Variants in MPDZ observed in about 807,000 individuals in gnomAD.
The protein encoded by MPDZ is multiple PDZ domain protein.
In MPDZ, 234 loss-of-function variants were observed where a neutral mutation model predicts 239.1. The observed-to-expected ratio is 0.98, with a 90% CI of 0.88 to 1.09. The LOEUF (loss-of-function observed/expected upper bound fraction) is 1.09. Ranked by LOEUF, MPDZ falls within the 50% of genes least tolerant of loss-of-function variation. The pLI, the probability that MPDZ is intolerant of heterozygous loss-of-function variation, is 0.00. For missense variants in MPDZ, 3,175 were observed against 2,510.0 expected, an observed-to-expected ratio of 1.26 and a Z score of -5.66; for synonymous variants, 1,048 against 881.3, an observed-to-expected ratio of 1.19 and a Z score of -3.35.
At chr9:13,251,771 T>C (rs7875612) in intron 1 of MPDZ, among the ~76,000 whole-genome samples, 148,300 of 152,320 alleles carry the variant, frequency 0.97, 72,299 homozygotes, top group Middle Eastern at 1. Flanking sequence ...TACGTATTGA[T>C]TTGCCTTATC....
chr9:13,129,354 T>G (rs1415717761), intron 32 of MPDZ, among the ~76,000 whole-genome samples: 1 of 151,422 alleles, frequency 6.6e-6, no homozygotes, highest in Non-Finnish European at 1.5e-5. Flanking sequence ...TCCCAGCTAC[T>G]CGGGAGGCTG....
intron 18 of MPDZ, 41 bp from the exon 19 acceptor site, chr9:13,183,626 A>G (rs375857713): frequency 1.8e-5 from 28 of 1,588,144 alleles, no homozygotes; most frequent in Non-Finnish European, 2.4e-5. Flanking sequence ...ATTCTGTTCT[A>G]TTACATATAT....
intron 18 of MPDZ, among the ~76,000 whole-genome samples, chr9:13,184,881 C>G (rs1406218285): frequency 6.6e-6 from 1 of 151,774 alleles, no homozygotes; most frequent in Non-Finnish European, 1.5e-5. Context: ...AGGAGAAGAC[C>G]CAGGACGCAT....
chr9:13,172,934 T>A (rs973378073), intron 21 of MPDZ, among the ~76,000 whole-genome samples: 3 of 152,226 alleles, frequency 2.0e-5, no homozygotes, highest in African/African-American at 7.2e-5. Context: ...AGTGTATACA[T>A]ACAATGGAAT....
chr9:13,129,374 A>AGC (rs201697457), intron 32 of MPDZ, among the ~76,000 whole-genome samples: 4,224 of 152,114 alleles, frequency 0.028, 173 homozygotes, highest in South Asian at 0.095. Context: ...GATGCAGGAG[A>AGC]ATCGCTTGAA....
intron 21 of MPDZ, among the ~76,000 whole-genome samples, chr9:13,172,728 T>C (rs1951955925): frequency 6.6e-6 from 1 of 152,182 alleles, no homozygotes; most frequent in Non-Finnish European, 1.5e-5. Flanking sequence ...GGCTCTTTTA[T>C]ACTTTAATTT....
chr9:13,120,701 G>T, intron 38 of MPDZ: 1 of 152,174 alleles, frequency 6.6e-6, no homozygotes, highest in Non-Finnish European at 1.5e-5. Flanking sequence ...ATACAGAAAA[G>T]TCGCTGCAGA....
chr9:13,132,601 T>G (rs1349445330), intron 32 of MPDZ, among the ~76,000 whole-genome samples: 1 of 152,220 alleles, frequency 6.6e-6, no homozygotes, highest in African/African-American at 2.4e-5. Flanking sequence ...GCTTATTCAT[T>G]CCTAATTATT....
intron 2 of MPDZ, among the ~76,000 whole-genome samples, chr9:13,248,976 CAAAAAAAAAAAAAAAAAAAA>C (rs71331534): frequency 2.5e-4 from 9 of 35,822 alleles, no homozygotes; most frequent in Non-Finnish European, 3.6e-4. Flanking sequence ...GACTCCATCT[CAAAAAAAAAAAAAAAAAAAA>C]AAAAAAAAAA....
At chr9:13,245,441 G>C (rs1396310270) in intron 3 of MPDZ, among the ~76,000 whole-genome samples, 1 of 150,054 alleles carries the variant, frequency 6.7e-6, no homozygotes, top group Admixed American at 6.6e-5. Context: ...AAGAAGATGT[G>C]AGACAGGCTC....
chr9:13,139,464 C>T (rs1194009712), intron 28 of MPDZ, among the ~76,000 whole-genome samples: 5 of 152,088 alleles, frequency 3.3e-5, no homozygotes, highest in African/African-American at 1.2e-4. Context: ...ATGTTAGCAA[C>T]CTGAGGGGAG....
chr9:13,125,358 T>C lies in MPDZ; in HGVS notation c.4665A>G (p.Thr1555=). 2 of 1,613,868 alleles carry C rather than the reference T, an allele frequency of 1.2e-6. No individual in the cohort carries two copies. The highest frequency in any genetic ancestry group is 1.7e-6 in the Non-Finnish European group (2 of 1,179,754). The part of the protein sequence containing the change: ...FISLLKTAKM[T]VKLTIHAENP... ...TCTCAGCATGGATGGTAAGTTTTAC[T>C]GTCATCTTTGCTGTCTTCAGAAGGC... The change falls in exon 35 of 47, where the codon ACA becomes ACG. Residue 1555 remains threonine, a synonymous_variant. Transcript: ENST00000319217.
chr9:13,268,645 T>C (rs1331886157), intron 1 of MPDZ, among the ~76,000 whole-genome samples: 2 of 152,114 alleles, frequency 1.3e-5, no homozygotes, highest in South Asian at 2.1e-4. Flanking sequence ...ACATGAATCA[T>C]CTCGAAGTAT....
chr9:13,159,456 C>CA (rs1369257346), intron 23 of MPDZ, among the ~76,000 whole-genome samples: 1 of 151,922 alleles, frequency 6.6e-6, no homozygotes, highest in East Asian at 1.9e-4. Flanking sequence ...AAAGAGTTGA[C>CA]AGAGAAATAG....
intron 22 of MPDZ, among the ~76,000 whole-genome samples, chr9:13,166,848 A>G (rs1473712925): frequency 6.6e-6 from 1 of 152,122 alleles, no homozygotes; most frequent in Admixed American, 6.6e-5. Context: ...ATGTACTTCA[A>G]AAGTTTTCTA....
Position 13,216,787 on chromosome 9 carries a change from T to A in MPDZ, c.1277A>T (p.Asp426Val). 6.2e-7 allele frequency: 1 copy of A among 1,607,530 alleles called. No homozygotes were observed. The highest frequency in any genetic ancestry group is 8.5e-7 in the Non-Finnish European group (1 of 1,175,914). The change falls in exon 10 of 47, where the codon GAC (aspartate) becomes GTC (valine). Residue 426 changes from aspartate (D) to valine (V), a missense_variant. Coordinates refer to ENST00000319217, the MANE Select transcript of MPDZ (RefSeq NM_001378778.1). ...VEHDGRIQIG[D>V]QIIAVDGTNL... ...TGTGTAACTTACTGCTATAATTTGGTCTCCAATTTGGATTCTTCCATCATG... is the reference window on the plus strand; with the variant it reads ...TGTGTAACTTACTGCTATAATTTGGACTCCAATTTGGATTCTTCCATCATG...
Position 13,140,131 on chromosome 9 carries a change from ACT to A in MPDZ, c.3857_3858del (p.Glu1286ValfsTer24). On this transcript the variant is annotated frameshift_variant, in exon 28 of 47. Coordinates refer to ENST00000319217, the MANE Select transcript of MPDZ (RefSeq NM_001378778.1). LOFTEE classifies it high-confidence loss of function. ...CACAATGGAGCCTTCTCTGGCTCTG[ACT>A]CTGACTGACTGGGTGCCTGTGGGAA... Reference protein sequence around the residue: ...INADKAPSQSESEPEKAPLCS... With the variant: ...INADKAPSQSXSEPEKAPLCS... The A allele has an allele frequency of 1.9e-6, 3 of 1,613,176 alleles. No individual in the cohort carries two copies. The highest frequency in any genetic ancestry group is 2.5e-6 in the Non-Finnish European group (3 of 1,179,598).
chr9:13,256,169 C>G (rs975443156), intron 1 of MPDZ, among the ~76,000 whole-genome samples: 6 of 152,160 alleles, frequency 3.9e-5, no homozygotes, highest in Non-Finnish European at 8.8e-5. Context: ...AACATTTTTT[C>G]TGCAGCTCCG....
At chr9:13,118,539 T>G (rs1943849693) in intron 39 of MPDZ, among the ~76,000 whole-genome samples, 1 of 152,190 alleles carries the variant, frequency 6.6e-6, no homozygotes, top group Non-Finnish European at 1.5e-5. Context: ...TTATGTTAAT[T>G]GCTACCCTTG....
Sources: allele counts gnomAD v4.1 joint callset (sites outside exome capture counted in the v4.1 genomes callset), GRCh38; gene constraint gnomAD v4.1.1; transcripts MANE v1.5; gene names NCBI Gene and HGNC (gene_info 2026-07-23, HGNC 2026-07-21).